Variants in AP3B2 observed in about 807,000 individuals in gnomAD.
The protein encoded by AP3B2 is AP-3 complex subunit beta-2.
Under a neutral mutation model 126.9 loss-of-function variants are expected in AP3B2, and 50 were observed. The observed-to-expected ratio is 0.39, with a 90% confidence interval of 0.31 to 0.50. AP3B2 has a LOEUF of 0.50. AP3B2 is among the 20% of genes least tolerant of loss of function. The probability of loss-of-function intolerance (pLI) is 0.79; values close to 1 mark genes in which losing one functional copy is unlikely to be tolerated. For missense variants in AP3B2, 1,177 were observed against 1,426.4 expected, an observed-to-expected ratio of 0.83 and a Z score of 2.82; for synonymous variants, 541 against 565.0, an observed-to-expected ratio of 0.96 and a Z score of 0.60.
rs540285916 is a variant in AP3B2, at chr15:82,676,480, T to C, written c.1646A>G (p.Tyr549Cys). ...LQVINLAAKL[Y>C]LTNSKQTKLL... ...CTTTACCTGTTTAGAGTTGGTCAGGTAGAGCTTGGCTGCCAGGTTGATGAC... is the reference window on the plus strand; with the variant it reads ...CTTTACCTGTTTAGAGTTGGTCAGGCAGAGCTTGGCTGCCAGGTTGATGAC... Residue 549 changes from tyrosine (Y) to cysteine (C), a missense_variant, in exon 14 of 27, where the codon TAC becomes TGC. Transcript: ENST00000535359. 1.2e-6 allele frequency: 2 copies of C among 1,613,964 alleles called. No individual in the cohort carries two copies. The highest frequency in any genetic ancestry group is 1.7e-6 in the Non-Finnish European group (2 of 1,179,864).
chr15:82,694,765 G>A (rs1440201088), intron 1 of AP3B2, among the ~76,000 whole-genome samples: 1 of 151,974 alleles, frequency 6.6e-6, no homozygotes, highest in Non-Finnish European at 1.5e-5. Flanking sequence ...CTGGAGGCTG[G>A]AAGGCTGAGA....
At chr15:82,676,950 C>A (rs2048252290) in intron 13 of AP3B2, among the ~76,000 whole-genome samples, 1 of 152,202 alleles carries the variant, frequency 6.6e-6, no homozygotes, top group Non-Finnish European at 1.5e-5. Context: ...TCTCCAGAAT[C>A]TTTGGGAATG....
At chr15:82,682,819 G>A (rs946696929) in intron 4 of AP3B2, among the ~76,000 whole-genome samples, 3 of 151,990 alleles carry the variant, frequency 2.0e-5, no homozygotes, top group Non-Finnish European at 4.4e-5. Flanking sequence ...GGGCGTGATG[G>A]CTTGTGCCTG....
At chr15:82,692,010 G>T in intron 1 of AP3B2, 1 of 1,463,754 alleles carries the variant, frequency 6.8e-7, no homozygotes, top group South Asian at 1.2e-5. Context: ...TGATCCTTCA[G>T]GTCCTGCCAG....
intron 20 of AP3B2, 65 bp downstream of exon 20, chr15:82,663,736 T>A: frequency 6.3e-7 from 1 of 1,597,542 alleles, no homozygotes; most frequent in Non-Finnish European, 8.5e-7. Flanking sequence ...TGTCTGGGCC[T>A]GGCCCAGAGG....
intron 11 of AP3B2, 146 bp from the exon 12 acceptor site, chr15:82,677,949 G>A: frequency 7.4e-7 from 1 of 1,342,326 alleles, no homozygotes; most frequent in Non-Finnish European, 1.0e-6. Context: ...CCAATCCAGT[G>A]ATTCCTTGGC....
At chr15:82,676,431 G>A in intron 14 of AP3B2, 30 bp downstream of exon 14, 1 of 1,608,874 alleles carries the variant, frequency 6.2e-7, no homozygotes, top group East Asian at 2.2e-5. Flanking sequence ...GGGGACCAGA[G>A]TATCTGGGGG....
intron 26 of AP3B2, 63 bp from the exon 27 acceptor site, chr15:82,659,773 C>G: frequency 6.2e-7 from 1 of 1,609,250 alleles, no homozygotes. Context: ...GGAAGGGGAT[C>G]AGCAGCTGGG....
chr15:82,709,829 A>C lies in AP3B2; in HGVS notation c.-123T>G, dbSNP rs2048856305. On this transcript the variant is annotated 5_prime_UTR_variant, in exon 1 of 27. Coordinates refer to ENST00000535359, the MANE Select transcript of AP3B2 (RefSeq NM_001278512.2). Reference sequence around the variant, plus strand: ...GAAGGCGGCGGCGCGGCAGGGGTTCAGCAGAGGCTGCAGTGTGCAGCGGCG... The same window carrying C: ...GAAGGCGGCGGCGCGGCAGGGGTTCCGCAGAGGCTGCAGTGTGCAGCGGCG... 1.4e-6 allele frequency: 1 copy of C among 705,608 alleles called. No individual in the cohort carries two copies. Among genetic ancestry groups the C allele is most frequent in the Non-Finnish European group, 2.1e-6 (1 of 469,004 alleles). The allele number at this position is 705,608 out of a possible 1,614,324, so 43.7% of individuals were successfully genotyped here. A position where few individuals can be genotyped will look rare whatever the true frequency, so the allele number is the denominator to read the frequency against.
chr15:82,662,118 T>C, intron 24 of AP3B2, 50 bp downstream of exon 24: 1 of 1,509,562 alleles, frequency 6.6e-7, no homozygotes, highest in Non-Finnish European at 9.0e-7. Flanking sequence ...ATTGTTACCC[T>C]GTCCCTTTCC....
chr15:82,673,290 C>T (rs1361226167), intron 14 of AP3B2, among the ~76,000 whole-genome samples: 1 of 152,182 alleles, frequency 6.6e-6, no homozygotes, highest in Non-Finnish European at 1.5e-5. Context: ...TCTCAGCTCA[C>T]TGTAACCTCC....
Position 82,709,713 on chromosome 15 carries a change from G to C in AP3B2, c.-7C>G. ...AGGCGGGGGCGGCCGACATGGGGCG[G>C]CCAGGGAGACTTCGCCGAGGAGGAG... On this transcript the variant is annotated 5_prime_UTR_variant, in exon 1 of 27. Transcript: ENST00000535359. 6.8e-7 allele frequency: 1 copy of C among 1,472,556 alleles called. No individual in the cohort carries two copies. Among genetic ancestry groups the C allele is most frequent in the Non-Finnish European group, 9.0e-7 (1 of 1,111,774 alleles). The allele number at this position is 1,472,556 out of a possible 1,614,324, so 91.2% of individuals were successfully genotyped here.
Position 82,665,611 on chromosome 15 carries a change from A to C in AP3B2, c.1853-36T>G. On this transcript the variant is annotated intron_variant, in intron 15 of 26. Transcript: ENST00000535359. The surrounding 1 kb of genome is among the most constrained non-coding windows in gnomAD (Gnocchi z 4.4). Reference sequence around the variant, plus strand: ...GTTTAGAGGTCAGGCAGGTAGCAGCAGTGAGGGAAAGCTCTGGGAGCTGTT... The same window carrying C: ...GTTTAGAGGTCAGGCAGGTAGCAGCCGTGAGGGAAAGCTCTGGGAGCTGTT... 1 of 1,527,432 alleles carries C rather than the reference A, an allele frequency of 6.5e-7. No homozygotes were observed. Among genetic ancestry groups the C allele is most frequent in the Non-Finnish European group, 9.1e-7 (1 of 1,104,712 alleles). The allele number at this position is 1,527,432 out of a possible 1,614,324, so 94.6% of individuals were successfully genotyped here.
chr15:82,670,112 T>TTGG (rs1555465704), intron 14 of AP3B2, among the ~76,000 whole-genome samples: 10 of 68,932 alleles, frequency 1.5e-4, no homozygotes, highest in East Asian at 7.9e-4. Context: ...TTTTTTTTTT[T>TTGG]GGCGGGGGGG....
Position 82,680,963 on chromosome 15 carries a change from G to T in AP3B2, c.645C>A (p.Asp215Glu), listed in dbSNP as rs760520057. The T allele has an allele frequency of 3.1e-6, 5 of 1,613,908 alleles. No homozygotes were observed. In the East Asian group the frequency reaches 8.9e-5, roughly 29 times the overall value. The change falls in exon 7 of 27, where the codon GAC (aspartate) becomes GAA (glutamate). Residue 215 changes from aspartate (D) to glutamate (E), a missense_variant. Physicochemically the swap from Asp to Glu is conservative, Grantham distance 45. Coordinates refer to ENST00000535359, the MANE Select transcript of AP3B2 (RefSeq NM_001278512.2). The surrounding 1 kb of genome is among the most constrained non-coding windows in gnomAD (Gnocchi z 6.1). ...GTTTCCGGTAGTTTTTGTGAATCAG[G>T]TCGATGCGCTCCGGGCAGACCTCCT... is the stretch of plus-strand genomic sequence containing the variant. ...AFEEVCPERI[D>E]LIHKNYRKLC...
chr15:82,659,909 C>T lies in AP3B2; in HGVS notation c.3091G>A (p.Val1031Met). 6.2e-7 allele frequency: 1 copy of T among 1,613,998 alleles called. No individual in the cohort carries two copies. Residue 1031 changes from valine (V) to methionine (M), a missense_variant, in exon 26 of 27, where the codon GTG becomes ATG. Around this residue, in one of 5 missense-constraint regions of AP3B2, gnomAD observed 587 missense variants for 571.3 expected, o/e 1.03. Coordinates refer to ENST00000535359, the MANE Select transcript of AP3B2 (RefSeq NM_001278512.2). The stretch of plus-strand genomic sequence containing the variant: ...TTGGCAGTGGCAGTCACTTTCTGCA[C>T]CACAATGTGGTCACTCCGACAGGTG... Reference protein sequence around the residue: ...PDTCRSDHIVVQKVTATANLG... With the variant: ...PDTCRSDHIVMQKVTATANLG...
intron 1 of AP3B2, among the ~76,000 whole-genome samples, chr15:82,691,396 T>C (rs910735221): frequency 1.3e-5 from 2 of 152,206 alleles, no homozygotes; most frequent in African/African-American, 4.8e-5. Context: ...TTAAAACATA[T>C]TTTTAAGCAG....
At chr15:82,703,904 C>T (rs2048758154) in intron 1 of AP3B2, among the ~76,000 whole-genome samples, 1 of 152,148 alleles carries the variant, frequency 6.6e-6, no homozygotes, top group African/African-American at 2.4e-5. Context: ...TCACTCCCCA[C>T]CAGGCTGAAT....
At chr15:82,682,047 CTTTTTTTT>C (rs769028602) in intron 4 of AP3B2, among the ~76,000 whole-genome samples, 6 of 79,924 alleles carry the variant, frequency 7.5e-5, no homozygotes, top group South Asian at 4.7e-4. Flanking sequence ...TAGGCCCTTC[CTTTTTTTT>C]TTTTTTTTTT....
Sources: gnomAD v4.1 joint callset for allele counts (sites outside exome capture counted in the v4.1 genomes callset) on GRCh38, gnomAD v4.1.1 for gene constraint, gnomAD v4.1.1 regional missense constraint, Gnocchi (gnomAD v3.1) non-coding constraint, MANE v1.5 for transcripts, NCBI Gene and HGNC (gene_info 2026-07-23, HGNC 2026-07-21) for gene names.